Variants in SORL1-AS1 observed in about 807,000 individuals in gnomAD.
SORL1-AS1 encodes lncRNA 51 A.
At position 121,452,604 on chromosome 11, in the gene SORL1-AS1, G is replaced by A. The variant is rs2134757034; in HGVS notation, n.339+71C>T. The A allele has an allele frequency of 2.0e-6, 3 of 1,514,664 alleles. No homozygotes were observed. The highest frequency in any genetic ancestry group is 2.6e-6 in the Non-Finnish European group (3 of 1,139,094). The allele number at this position is 1,514,664 out of a possible 1,614,324, so 93.8% of individuals were successfully genotyped here. ...CTGCCCTGCAGCCCGAGCCCATCAA[G>A]GTGTACGGACAGGTGAGCAGTTTTG... is the stretch of plus-strand genomic sequence containing the variant. On this transcript the variant is annotated intron_variant and non_coding_transcript_variant, in intron 1 of 1. Coordinates refer to ENST00000501964, the Ensembl canonical transcript of SORL1-AS1. The surrounding 1 kb of genome is among the most constrained non-coding windows in gnomAD (Gnocchi z 5.3).
At chr11:121,449,595 G>A (rs1860764489) in exon 2 of SORL1-AS1, 1 of 152,218 alleles carries the variant, frequency 6.6e-6, no homozygotes, top group African/African-American at 2.4e-5. Context: ...TAATTTGGTT[G>A]CAAAGCCAGG....
Position 121,452,203 on chromosome 11 carries a change from C to T in SORL1-AS1, n.339+472G>A. ...AGCGGCGGCGGGCGCAGCGGGGCGG[C>T]CCGGAGCGGCGCGGGCGGCCTGGAG... On this transcript the variant is annotated intron_variant and non_coding_transcript_variant, in intron 1 of 1. Transcript: ENST00000501964. The surrounding 1 kb of genome is among the most constrained non-coding windows in gnomAD (Gnocchi z 5.3). The T allele has an allele frequency of 2.0e-6, 1 of 488,640 alleles. No homozygotes were observed. The highest frequency in any genetic ancestry group is 2.7e-6 in the Non-Finnish European group (1 of 368,708). The allele number at this position is 488,640 out of a possible 1,614,324, so 30.3% of individuals were successfully genotyped here.
downstream of SORL1-AS1, among the ~76,000 whole-genome samples, chr11:121,443,030 G>A (rs1860680869): frequency 6.6e-6 from 1 of 151,366 alleles, no homozygotes; most frequent in Admixed American, 6.6e-5. Flanking sequence ...TGGCATCTCT[G>A]AGGCTAGAGG....
At chr11:121,442,284 T>C in the SORL1-AS1 span, among the ~76,000 whole-genome samples, 1 of 152,014 alleles carries the variant, frequency 6.6e-6, no homozygotes, top group Non-Finnish European at 1.5e-5. Context: ...AAACTTATGG[T>C]TGGTAACGAG....
At position 121,452,796 on chromosome 11, in the gene SORL1-AS1, C is replaced by T. The variant is rs1417999426; in HGVS notation, n.218G>A. On this transcript the variant is annotated non_coding_transcript_exon_variant, in exon 1 of 2. Coordinates refer to ENST00000501964, the Ensembl canonical transcript of SORL1-AS1. The surrounding 1 kb of genome is among the most constrained non-coding windows in gnomAD (Gnocchi z 5.3). ...AGCACTTGAATCGCATTGATCTTTCCTTCTTCCTGTCGATTTAGTAAACGT... is the reference window on the plus strand; with the variant it reads ...AGCACTTGAATCGCATTGATCTTTCTTTCTTCCTGTCGATTTAGTAAACGT... 4 of 522,128 alleles carry T rather than the reference C, an allele frequency of 7.7e-6. No individual in the cohort carries two copies. Among genetic ancestry groups the T allele is most frequent in the African/African-American group, 6.0e-5 (3 of 49,810 alleles). The allele number at this position is 522,128 out of a possible 1,614,324, so 32.3% of individuals were successfully genotyped here. A position where few individuals can be genotyped will look rare whatever the true frequency, so the allele number is the denominator to read the frequency against.
chr11:121,452,426 C>T lies in SORL1-AS1; in HGVS notation n.339+249G>A. 4.0e-6 allele frequency: 6 copies of T among 1,514,232 alleles called. No individual in the cohort carries two copies. Among genetic ancestry groups the T allele is most frequent in the Non-Finnish European group, 5.3e-6 (6 of 1,134,576 alleles). The allele number at this position is 1,514,232 out of a possible 1,614,324, so 93.8% of individuals were successfully genotyped here. A position where few individuals can be genotyped will look rare whatever the true frequency, so the allele number is the denominator to read the frequency against. ...CCCGGAGCTCTCTGCGAAGTCTGGA[C>T]GCAGAGGCTGCACGGCGGCAGCGCG... On this transcript the variant is annotated intron_variant and non_coding_transcript_variant, in intron 1 of 1. Coordinates refer to ENST00000501964, the Ensembl canonical transcript of SORL1-AS1. The surrounding 1 kb of genome is among the most constrained non-coding windows in gnomAD (Gnocchi z 5.3).
At chr11:121,448,286 C>T (rs1029975359) in exon 2 of SORL1-AS1, 6 of 152,184 alleles carry the variant, frequency 3.9e-5, no homozygotes, top group African/African-American at 1.4e-4. Context: ...TTATTCTATG[C>T]TCTGGGTGCA....
Position 121,450,994 on chromosome 11 carries a change from G to C in SORL1-AS1, n.340-1095C>G, listed in dbSNP as rs1860782015. ...TTGCTAAGCTACCTGAAAAGTACTAGAGTGGGCCGGGGTAGGAATCGGGCT... is the reference window on the plus strand; with the variant it reads ...TTGCTAAGCTACCTGAAAAGTACTACAGTGGGCCGGGGTAGGAATCGGGCT... On this transcript the variant is annotated intron_variant and non_coding_transcript_variant, in intron 1 of 1. Transcript: ENST00000501964. This position sits in a 1 kb window ranked among gnomAD's most constrained non-coding sequence, Gnocchi z 5.2. Among the ~76,000 whole-genome samples the C allele has an allele frequency of 6.6e-6, 1 of 152,156 alleles. No individual in the cohort carries two copies. The highest frequency in any genetic ancestry group is 2.4e-5 in the African/African-American group (1 of 41,436).
At chr11:121,442,890 G>A (rs1236120641), downstream of SORL1-AS1, among the ~76,000 whole-genome samples, 1 of 150,662 alleles carries the variant, frequency 6.6e-6, no homozygotes, top group East Asian at 2.0e-4. Flanking sequence ...ATGTTAACCA[G>A]GATGGTCTTG....
chr11:121,446,789 G>A (rs1314758666), downstream of SORL1-AS1, among the ~76,000 whole-genome samples: 1 of 151,364 alleles, frequency 6.6e-6, no homozygotes, highest in Non-Finnish European at 1.5e-5. Flanking sequence ...TCCAGGAGAC[G>A]TGGGCCAAAA....
intron 1 of SORL1-AS1, among the ~76,000 whole-genome samples, chr11:121,451,090 G>C (rs1022094593): frequency 7.2e-5 from 11 of 152,156 alleles, no homozygotes; most frequent in African/African-American, 2.7e-4. Context: ...CCCCTGAACA[G>C]CAGCTTGTAT....
chr11:121,443,625 C>T (rs1463014232), downstream of SORL1-AS1, among the ~76,000 whole-genome samples: 1 of 152,188 alleles, frequency 6.6e-6, no homozygotes, highest in Admixed American at 6.5e-5. Flanking sequence ...GAAGGGACTT[C>T]ATCAGAAATC....
chr11:121,443,050 C>T (rs999357929), downstream of SORL1-AS1, among the ~76,000 whole-genome samples: 28 of 151,242 alleles, frequency 1.9e-4, no homozygotes, highest in Non-Finnish European at 3.2e-4. Flanking sequence ...GACATGAAGA[C>T]GTGGGATGGA....
At chr11:121,442,678 T>TTTAC (rs1860672193), downstream of SORL1-AS1, among the ~76,000 whole-genome samples, 10 of 113,978 alleles carry the variant, frequency 8.8e-5, no homozygotes, top group African/African-American at 1.8e-4. Flanking sequence ...TATTTATTTA[T>TTTAC]TTATTTATTT....
the SORL1-AS1 span, among the ~76,000 whole-genome samples, chr11:121,438,333 T>C: frequency 1.3e-5 from 2 of 152,350 alleles, no homozygotes; most frequent in South Asian, 2.1e-4. Context: ...TAATTACATA[T>C]GGTAAAATGC....
Position 121,450,810 on chromosome 11 carries a change from G to A in SORL1-AS1, n.340-911C>T, listed in dbSNP as rs980682896. ...ATCTGACTTGGGGAGAAAATCGGGT[G>A]TGGGAGGAGGTGGGAGAGTGCAGAA... On this transcript the variant is annotated intron_variant and non_coding_transcript_variant, in intron 1 of 1. Coordinates refer to ENST00000501964, the Ensembl canonical transcript of SORL1-AS1. This position sits in a 1 kb window ranked among gnomAD's most constrained non-coding sequence, Gnocchi z 5.2. Among the ~76,000 whole-genome samples, 1 of 152,132 alleles carries A rather than the reference G, an allele frequency of 6.6e-6. No homozygotes were observed. The highest frequency in any genetic ancestry group is 1.5e-5 in the Non-Finnish European group (1 of 68,018).
At chr11:121,438,802 C>T in the SORL1-AS1 span, among the ~76,000 whole-genome samples, 3 of 152,054 alleles carry the variant, frequency 2.0e-5, no homozygotes, top group Admixed American at 6.6e-5. Context: ...CCGAGGCAGG[C>T]GGATCACAAG....
chr11:121,440,093 GT>G, the SORL1-AS1 span, among the ~76,000 whole-genome samples: 1 of 152,180 alleles, frequency 6.6e-6, no homozygotes, highest in South Asian at 2.1e-4. Flanking sequence ...ATACCCCAGG[GT>G]GGGCATGGTG....
Position 121,450,106 on chromosome 11 carries a change from T to G in SORL1-AS1, n.340-207A>C, listed in dbSNP as rs376881868. ...CCAGCAGTTTGTGTGGGCAAACAGA[T>G]GCCCATCTTCAAATCCACACTTAGG... On this transcript the variant is annotated intron_variant and non_coding_transcript_variant, in intron 1 of 1. Transcript: ENST00000501964. This position sits in a 1 kb window ranked among gnomAD's most constrained non-coding sequence, Gnocchi z 5.2. 2.0e-5 allele frequency among the ~76,000 whole-genome samples: 3 copies of G among 152,334 alleles called. No individual in the cohort carries two copies. In the East Asian group the frequency reaches 5.8e-4, roughly 29 times the overall value.
Sources: gnomAD v4.1 joint callset for allele counts (sites outside exome capture counted in the v4.1 genomes callset) on GRCh38, gnomAD v4.1.1 for gene constraint, Gnocchi (gnomAD v3.1) non-coding constraint, MANE v1.5 for transcripts, NCBI Gene and HGNC (gene_info 2026-07-23, HGNC 2026-07-21) for gene names.